CERS6: variants seen among roughly 807,000 people sequenced by gnomAD.
CERS6 encodes the protein ceramide synthase 6, also known as LAG1 homolog, ceramide synthase 6.
Under a neutral mutation model 56.8 loss-of-function variants are expected in CERS6, and 26 were observed. The ratio of observed to expected loss-of-function variants is 0.46; its 90% CI spans 0.34 to 0.63. The LOEUF (loss-of-function observed/expected upper bound fraction) is 0.63, where lower values mean the gene tolerates loss of function less well. Among genes scored for constraint, CERS6 ranks in the 30% least tolerant of loss-of-function variants. The pLI, the probability that CERS6 is intolerant of heterozygous loss-of-function variation, is 0.01. For missense variants in CERS6, 415 were observed against 467.5 expected (o/e 0.89, Z 1.04); for synonymous variants, 164 against 173.3 (o/e 0.95, Z 0.42).
At chr2:168,750,247 A>G (rs1382831628) in intron 8 of CERS6, among the ~76,000 whole-genome samples, 1 of 152,150 alleles carries the variant, frequency 6.6e-6, no homozygotes. Context: ...GCTTTTGTTA[A>G]TGCTTGGCTG....
At chr2:168,664,510 T>C (rs1685708469) in intron 4 of CERS6, among the ~76,000 whole-genome samples, 1 of 152,184 alleles carries the variant, frequency 6.6e-6, no homozygotes, top group Non-Finnish European at 1.5e-5. Context: ...AATAAAAGAA[T>C]GGCTACTCCA....
intron 1 of CERS6, among the ~76,000 whole-genome samples, chr2:168,472,034 A>C (rs1038124255): frequency 1.3e-5 from 2 of 152,154 alleles, no homozygotes; most frequent in Non-Finnish European, 2.9e-5. Flanking sequence ...AATGAAAGGG[A>C]GCATAGATTC....
intron 8 of CERS6, among the ~76,000 whole-genome samples, chr2:168,729,701 G>A (rs1683463142): frequency 6.6e-6 from 1 of 152,208 alleles, no homozygotes; most frequent in African/African-American, 2.4e-5. Flanking sequence ...TTGCCAAGGA[G>A]ACGGAACCAC....
At chr2:168,472,915 G>C (rs1042057466) in intron 1 of CERS6, among the ~76,000 whole-genome samples, 1 of 152,120 alleles carries the variant, frequency 6.6e-6, no homozygotes, top group Non-Finnish European at 1.5e-5. Flanking sequence ...CAGATATTTT[G>C]AACACAAAAT....
chr2:168,632,638 G>A (rs1684773724), intron 4 of CERS6, among the ~76,000 whole-genome samples: 1 of 152,162 alleles, frequency 6.6e-6, no homozygotes, highest in African/African-American at 2.4e-5. Context: ...TTGGAATTCT[G>A]TTCTAGTTTT....
intron 1 of CERS6, among the ~76,000 whole-genome samples, chr2:168,464,684 G>A (rs1394312270): frequency 6.9e-6 from 1 of 145,442 alleles, no homozygotes; most frequent in Admixed American, 6.8e-5. Context: ...GGGAAAGAGG[G>A]ATAGAGCCTA....
intron 1 of CERS6, among the ~76,000 whole-genome samples, chr2:168,469,983 G>A (rs1429620033): frequency 6.6e-6 from 1 of 152,136 alleles, no homozygotes; most frequent in Non-Finnish European, 1.5e-5. Context: ...AACCCTAGCA[G>A]TGCCATTATA....
intron 6 of CERS6, among the ~76,000 whole-genome samples, chr2:168,709,003 A>G (rs1159687100): frequency 6.6e-6 from 1 of 152,136 alleles, no homozygotes; most frequent in Non-Finnish European, 1.5e-5. Context: ...CCTGAAAACA[A>G]TATTATTTCA....
chr2:168,553,905 GA>G (rs1382295646), intron 2 of CERS6, among the ~76,000 whole-genome samples: 1 of 152,178 alleles, frequency 6.6e-6, no homozygotes, highest in Non-Finnish European at 1.5e-5. Flanking sequence ...TGATCTCTAA[GA>G]GGGGAGTCAA....
At chr2:168,660,850 C>T (rs901579595) in intron 4 of CERS6, among the ~76,000 whole-genome samples, 6 of 152,136 alleles carry the variant, frequency 3.9e-5, no homozygotes, top group Non-Finnish European at 7.3e-5. Flanking sequence ...AAATATTTGG[C>T]CCAGAAGCAA....
chr2:168,509,110 C>T (rs914791645), intron 1 of CERS6, among the ~76,000 whole-genome samples: 1 of 152,156 alleles, frequency 6.6e-6, no homozygotes, highest in Non-Finnish European at 1.5e-5. Context: ...GGCAGAATCT[C>T]TCTTCTAATT....
chr2:168,563,139 G>A (rs1429991957), intron 3 of CERS6, among the ~76,000 whole-genome samples: 4 of 152,078 alleles, frequency 2.6e-5, no homozygotes, highest in African/African-American at 4.8e-5. Flanking sequence ...GTTAAAATGC[G>A]GAATCTGATG....
chr2:168,565,430 T>G (rs574327605), intron 3 of CERS6, among the ~76,000 whole-genome samples: 85 of 152,292 alleles, frequency 5.6e-4, no homozygotes, highest in African/African-American at 1.9e-3. Context: ...ACAGTTGCTG[T>G]TCAGAAATAC....
chr2:168,744,856 G>T lies in CERS6; in HGVS notation c.846-20736G>T, dbSNP rs577634034. On this transcript the variant is annotated intron_variant, in intron 8 of 9. Transcript: ENST00000305747. ...GAAATAGAGAACAAAAGGGGGAAAAGCTTACAGAAGTGGTTCCCAAACTTG... is the reference window on the plus strand; with the variant it reads ...GAAATAGAGAACAAAAGGGGGAAAATCTTACAGAAGTGGTTCCCAAACTTG... Among the ~76,000 whole-genome samples, 7 of 152,312 alleles carry T rather than the reference G, an allele frequency of 4.6e-5. No homozygotes were observed. The East Asian group carries it at 1.4e-3, about 29-fold the overall frequency.
Position 168,725,244 on chromosome 2 carries a change from C to T in CERS6, c.845+7266C>T, listed in dbSNP as rs144892642. Among the ~76,000 whole-genome samples the T allele has an allele frequency of 9.0e-3, 1,379 of 152,378 alleles. 11 individuals carry two copies. Among genetic ancestry groups the T allele is most frequent in the African/African-American group, 0.025 (1,041 of 41,588 alleles). The stretch of plus-strand genomic sequence containing the variant: ...CCCGGAACTCCAGCTGGCCTGCAAG[C>T]GCTGCACGCAGCCCTGGTTCCCACT... On this transcript the variant is annotated intron_variant, in intron 8 of 9. Coordinates refer to ENST00000305747, the MANE Select transcript of CERS6 (RefSeq NM_203463.3).
intron 4 of CERS6, among the ~76,000 whole-genome samples, chr2:168,642,043 C>T (rs987337301): frequency 1.3e-5 from 2 of 152,022 alleles, no homozygotes; most frequent in African/African-American, 2.4e-5. Context: ...ATTACTTTGC[C>T]TTTTTAAAAA....
chr2:168,491,397 CTTTATA>C (rs1001303934), intron 1 of CERS6, among the ~76,000 whole-genome samples: 3 of 151,972 alleles, frequency 2.0e-5, no homozygotes, highest in African/African-American at 4.8e-5. Flanking sequence ...TTATATTTGA[CTTTATA>C]TTTAGGAGTC....
At chr2:168,737,727 A>G (rs1211166791) in intron 8 of CERS6, among the ~76,000 whole-genome samples, 1 of 152,242 alleles carries the variant, frequency 6.6e-6, no homozygotes, top group Non-Finnish European at 1.5e-5. Context: ...AGCAGCATTC[A>G]GGGAATGAGC....
chr2:168,456,767 C>G lies in CERS6; in HGVS notation c.170+149C>G. Reference sequence around the variant, plus strand: ...TGTTCGGGGAGGGGTTGCTGACCCCCCTGCCCCGCTGGCTTTCTGGGAGCC... The same window carrying G: ...TGTTCGGGGAGGGGTTGCTGACCCCGCTGCCCCGCTGGCTTTCTGGGAGCC... On this transcript the variant is annotated intron_variant, in intron 1 of 9. Coordinates refer to ENST00000305747, the MANE Select transcript of CERS6 (RefSeq NM_203463.3). The surrounding 1 kb of genome is among the most constrained non-coding windows in gnomAD (Gnocchi z 4.1). 3 of 722,056 alleles carry G rather than the reference C, an allele frequency of 4.2e-6. No homozygotes were observed. Among genetic ancestry groups the G allele is most frequent in the Non-Finnish European group, 6.7e-6 (3 of 446,298 alleles). 44.7% of individuals were successfully genotyped at this position (722,056 alleles called of 1,614,324 possible).
Sources: allele counts gnomAD v4.1 joint callset (sites outside exome capture counted in the v4.1 genomes callset), GRCh38; gene constraint gnomAD v4.1.1; non-coding constraint Gnocchi (gnomAD v3.1); transcripts MANE v1.5; gene names NCBI Gene and HGNC (gene_info 2026-07-23, HGNC 2026-07-21).